The following ZBTB20 variants were observed in gnomAD, a reference collection of about 807,000 sequenced individuals.
The protein encoded by ZBTB20 is zinc finger and BTB domain containing 20, also known as zinc finger and BTB domain-containing protein 20.
ZBTB20 carries 9 observed loss-of-function variants against 56.9 expected under a neutral mutation model. The observed-to-expected ratio is 0.16, with a 90% CI of 0.10 to 0.28. ZBTB20 has a LOEUF of 0.28. Ranked by LOEUF, ZBTB20 falls within the 10% of genes least tolerant of loss-of-function variation. The probability of loss-of-function intolerance (pLI) is 1.00; values close to 1 mark genes in which losing one functional copy is unlikely to be tolerated. For synonymous variants in ZBTB20, 417 were observed against 420.7 expected, an observed-to-expected ratio of 0.99 and a Z score of 0.11; for missense variants, 655 against 1,003.0, an observed-to-expected ratio of 0.65 and a Z score of 4.69.
At chr3:114,901,538 T>A (rs1044320790) in intron 3 of ZBTB20, among the ~76,000 whole-genome samples, 4 of 152,138 alleles carry the variant, frequency 2.6e-5, no homozygotes, top group African/African-American at 9.6e-5. Flanking sequence ...TCAGTAATTT[T>A]AGTCCCAGGA....
At chr3:114,408,293 G>A (rs2087544676) in intron 7 of ZBTB20, among the ~76,000 whole-genome samples, 2 of 152,194 alleles carry the variant, frequency 1.3e-5, no homozygotes, top group South Asian at 2.1e-4. Flanking sequence ...CAGCAGCCAA[G>A]GTTACTGCAG....
At chr3:114,500,613 C>T (rs1577120433) in intron 6 of ZBTB20, among the ~76,000 whole-genome samples, 1 of 152,150 alleles carries the variant, frequency 6.6e-6, no homozygotes, top group African/African-American at 2.4e-5. Flanking sequence ...GCTATGATGA[C>T]CAAGACAGTA....
intron 3 of ZBTB20, among the ~76,000 whole-genome samples, chr3:114,954,091 T>C (rs762004310): frequency 1.3e-5 from 2 of 152,142 alleles, no homozygotes; most frequent in Admixed American, 1.3e-4. Context: ...CTGATCTCAC[T>C]GTGAAAGTGC....
chr3:114,854,610 C>T (rs1442478671), intron 4 of ZBTB20, among the ~76,000 whole-genome samples: 1 of 152,156 alleles, frequency 6.6e-6, no homozygotes, highest in East Asian at 1.9e-4. Context: ...TGGTTTGAAT[C>T]CTGACTGTGT....
chr3:114,804,993 A>G (rs1005247758), intron 4 of ZBTB20, among the ~76,000 whole-genome samples: 1 of 151,902 alleles, frequency 6.6e-6, no homozygotes, highest in Admixed American at 6.6e-5. Flanking sequence ...TACACATTAT[A>G]TTCAAACGAT....
chr3:114,625,703 G>A (rs1462666449), intron 6 of ZBTB20, among the ~76,000 whole-genome samples: 4 of 152,062 alleles, frequency 2.6e-5, no homozygotes, highest in Admixed American at 2.6e-4. Context: ...TCTACTCAAT[G>A]GGGCCAACAT....
rs1263163196 is a variant in ZBTB20, at chr3:114,314,708, C to T, written c.*24297G>A. 1 of 151,520 alleles carries T rather than the reference C, an allele frequency of 6.6e-6. No individual in the cohort carries two copies. The highest frequency in any genetic ancestry group is 1.5e-5 in the Non-Finnish European group (1 of 67,910). The allele number at this position is 151,520 out of a possible 1,614,324, so 9.4% of individuals were successfully genotyped here. Reference sequence around the variant, plus strand: ...ACAGAAACCTTGTAAAATTTATTTTCGTATTTTTAAGGCGTAATACTTCCG... The same window carrying T: ...ACAGAAACCTTGTAAAATTTATTTTTGTATTTTTAAGGCGTAATACTTCCG... On this transcript the variant is annotated 3_prime_UTR_variant, in exon 12 of 12. Transcript: ENST00000675478.
At chr3:114,549,934 A>G (rs925471270) in intron 6 of ZBTB20, among the ~76,000 whole-genome samples, 8 of 151,576 alleles carry the variant, frequency 5.3e-5, no homozygotes, top group Non-Finnish European at 1.2e-4. Flanking sequence ...CTACTTCTAT[A>G]TAACTTCTTT....
chr3:115,060,712 C>T (rs1159220938), intron 2 of ZBTB20, among the ~76,000 whole-genome samples: 8 of 152,094 alleles, frequency 5.3e-5, no homozygotes. Flanking sequence ...ACTTATGAAT[C>T]TCCCTAAATC....
At chr3:115,028,781 A>G (rs1340629224) in intron 2 of ZBTB20, among the ~76,000 whole-genome samples, 1 of 150,710 alleles carries the variant, frequency 6.6e-6, no homozygotes, top group African/African-American at 2.4e-5. Flanking sequence ...AATCAACCAC[A>G]ATTCTTAATT....
At chr3:114,587,980 C>A (rs1318731292) in intron 6 of ZBTB20, among the ~76,000 whole-genome samples, 1 of 152,206 alleles carries the variant, frequency 6.6e-6, no homozygotes, top group Admixed American at 6.5e-5. Context: ...CTAACCTAAT[C>A]ACATATCTCC....
At chr3:114,490,690 G>A (rs1356378164) in intron 7 of ZBTB20, among the ~76,000 whole-genome samples, 1 of 152,114 alleles carries the variant, frequency 6.6e-6, no homozygotes, top group Non-Finnish European at 1.5e-5. Flanking sequence ...CATACTTCAA[G>A]TAGATGATCT....
At chr3:114,532,777 G>A (rs1404491044) in intron 6 of ZBTB20, among the ~76,000 whole-genome samples, 1 of 152,178 alleles carries the variant, frequency 6.6e-6, no homozygotes, top group Non-Finnish European at 1.5e-5. Context: ...CTGGGATGAA[G>A]CTTCCAGAGG....
At chr3:114,496,866 AAG>A (rs2043336050) in intron 7 of ZBTB20, among the ~76,000 whole-genome samples, 1 of 152,206 alleles carries the variant, frequency 6.6e-6, no homozygotes. Context: ...CAGGTGAAAG[AAG>A]AGACAAGCAG....
chr3:115,129,693 C>G (rs2108663894), intron 1 of ZBTB20, among the ~76,000 whole-genome samples: 1 of 152,274 alleles, frequency 6.6e-6, no homozygotes, highest in Admixed American at 6.5e-5. Flanking sequence ...CATAATGCAG[C>G]ATTATCATTA....
At chr3:114,681,245 C>T (rs745697983) in intron 6 of ZBTB20, among the ~76,000 whole-genome samples, 4 of 151,634 alleles carry the variant, frequency 2.6e-5, no homozygotes, top group Middle Eastern at 3.4e-3. Context: ...CTGCAACCTC[C>T]GTCTCCCGGG....
At chr3:114,672,078 G>A (rs995793286) in intron 6 of ZBTB20, among the ~76,000 whole-genome samples, 3 of 151,946 alleles carry the variant, frequency 2.0e-5, no homozygotes, top group African/African-American at 7.3e-5. Flanking sequence ...ATAATGCCTT[G>A]TCCCAGTTTT....
intron 3 of ZBTB20, among the ~76,000 whole-genome samples, chr3:114,909,834 T>C (rs949341307): frequency 6.6e-6 from 1 of 151,900 alleles, no homozygotes; most frequent in Non-Finnish European, 1.5e-5. Context: ...CAACTTTAAG[T>C]TAATATGCTA....
intron 6 of ZBTB20, among the ~76,000 whole-genome samples, chr3:114,630,139 T>TA (rs956350890): frequency 1.6e-4 from 24 of 151,988 alleles, no homozygotes; most frequent in Non-Finnish European, 3.2e-4. Flanking sequence ...GACCTTGTCT[T>TA]AAAAAATAAA....
Sources: gnomAD v4.1 joint callset for allele counts (sites outside exome capture counted in the v4.1 genomes callset) on GRCh38, gnomAD v4.1.1 for gene constraint, MANE v1.5 for transcripts, NCBI Gene and HGNC (gene_info 2026-07-23, HGNC 2026-07-21) for gene names.